The following OR4F15 variants were observed in gnomAD, a reference collection of about 807,000 sequenced individuals.
OR4F15 encodes olfactory receptor family 4 subfamily F member 15.
In OR4F15, 7 loss-of-function variants were observed where a neutral mutation model predicts 11.9. The observed-to-expected ratio is 0.59, with a 90% CI of 0.33 to 1.10. The LOEUF (loss-of-function observed/expected upper bound fraction) is 1.10, where lower values mean the gene tolerates loss of function less well. Among genes scored for constraint, OR4F15 ranks in the 50% least tolerant of loss-of-function variants. OR4F15 has a pLI of 0.03. For missense variants in OR4F15, 445 were observed against 377.5 expected (o/e 1.18, Z -1.48); for synonymous variants, 151 against 134.6 (o/e 1.12, Z -0.84).
At position 101,819,244 on chromosome 15, in the gene OR4F15, T is replaced by G. The variant is rs1903061659; in HGVS notation, c.*119T>G. On this transcript the variant is annotated 3_prime_UTR_variant, in exon 2 of 2. Transcript: ENST00000332238. ...GCCATACTATATGCCTGAAAATTTATGAAATCATGGTAACAATTTCACCAT... is the reference window on the plus strand; with the variant it reads ...GCCATACTATATGCCTGAAAATTTAGGAAATCATGGTAACAATTTCACCAT... The G allele has an allele frequency of 1.5e-6, 1 of 655,334 alleles. No individual in the cohort carries two copies. The allele number at this position is 655,334 out of a possible 1,614,324, so 40.6% of individuals were successfully genotyped here.
chr15:101,812,227 G>A lies in OR4F15; in HGVS notation c.-83G>A, dbSNP rs999133437. 1.2e-4 allele frequency: 19 copies of A among 152,136 alleles called. No homozygotes were observed. The highest frequency in any genetic ancestry group is 1.0e-3 in the Admixed American group (16 of 15,266). The allele number at this position is 152,136 out of a possible 1,614,324, so 9.4% of individuals were successfully genotyped here. A position where few individuals can be genotyped will look rare whatever the true frequency, so the allele number is the denominator to read the frequency against. On this transcript the variant is annotated 5_prime_UTR_variant, in exon 1 of 2. An upstream start codon of the reference 5' UTR is lost. Coordinates refer to ENST00000332238, the MANE Select transcript of OR4F15 (RefSeq NM_001001674.2). ...GTAAGGATGGCATGAAGTTCACAAT[G>A]GGAGCATGATAAACTAGATAAACTT...
Position 101,818,884 on chromosome 15 carries a change from T to C in OR4F15, c.698T>C (p.Leu233Pro). The change falls in exon 2 of 2, where the codon CTA becomes CCA. Residue 233 changes from leucine to proline, a missense_variant. By Grantham distance (98) the Leu-to-Pro change is moderately conservative. Coordinates refer to ENST00000332238, the MANE Select transcript of OR4F15 (RefSeq NM_001001674.2). ...FTVWKHSSGG[L>P]AKALSTLSAH... is the part of the protein sequence containing the mutation. Reference sequence around the variant, plus strand: ...GTTTGGAAACATTCTTCTGGTGGTCTAGCCAAGGCCCTCTCTACCCTGTCA... The same window carrying C: ...GTTTGGAAACATTCTTCTGGTGGTCCAGCCAAGGCCCTCTCTACCCTGTCA... 1 of 1,613,946 alleles carries C rather than the reference T, an allele frequency of 6.2e-7. No homozygotes were observed.
chr15:101,817,794 G>C (rs1903016095), intron 1 of OR4F15, among the ~76,000 whole-genome samples: 1 of 152,166 alleles, frequency 6.6e-6, no homozygotes, highest in Admixed American at 6.5e-5. Flanking sequence ...TCATGTGACT[G>C]GCTGAAATCA....
rs375712095 is a variant in OR4F15 at position 101,818,962 on chromosome 15, C to T, written c.776C>T (p.Thr259Ile). 2 of 1,614,072 alleles carry T rather than the reference C, an allele frequency of 1.2e-6. No individual in the cohort carries two copies. The highest frequency in any genetic ancestry group is 2.7e-5 in the African/African-American group (2 of 74,930). Residue 259 changes from threonine to isoleucine, a missense_variant, in exon 2 of 2, where the codon ACA becomes ATA. By Grantham distance (89) the Thr-to-Ile change is moderately conservative. Transcript: ENST00000332238. ...LFFGPLMFFY[T>I]WPSPTSHLDK... ...TTTGGGCCACTGATGTTTTTCTACA[C>T]ATGGCCTTCTCCCACATCACACCTG...
rs1156720901 is a variant in OR4F15 at position 101,818,395 on chromosome 15, A to T, written c.209A>T (p.Asp70Val). ...YFLLANLSII[D>V]MAFCSITAPK... ...CTCCTGGCTAACCTCTCAATCATTG[A>T]TATGGCATTTTGCTCAATTACAGCC... Residue 70 changes from aspartate (D) to valine (V), a missense_variant, in exon 2 of 2, where the codon GAT becomes GTT. Asp to Val is a radical substitution (Grantham distance 152). Coordinates refer to ENST00000332238, the MANE Select transcript of OR4F15 (RefSeq NM_001001674.2). 1.9e-6 allele frequency: 3 copies of T among 1,613,968 alleles called. No homozygotes were observed. The highest frequency in any genetic ancestry group is 2.5e-6 in the Non-Finnish European group (3 of 1,179,960).
rs1037985154 is a variant in OR4F15, at chr15:101,819,184, G to T, written c.*59G>T. Reference sequence around the variant, plus strand: ...TACTCCTCATGCTGATTGCATAAAAGAAACTGCAATTTCAGAGAAATACTG... The same window carrying T: ...TACTCCTCATGCTGATTGCATAAAATAAACTGCAATTTCAGAGAAATACTG... On this transcript the variant is annotated 3_prime_UTR_variant, in exon 2 of 2. Transcript: ENST00000332238. 1.2e-5 allele frequency: 14 copies of T among 1,148,918 alleles called. No individual in the cohort carries two copies. The highest frequency in any genetic ancestry group is 1.6e-5 in the African/African-American group (1 of 63,890). The allele number at this position is 1,148,918 out of a possible 1,614,324, so 71.2% of individuals were successfully genotyped here.
chr15:101,816,351 C>G (rs143592490), intron 1 of OR4F15, among the ~76,000 whole-genome samples: 1 of 152,092 alleles, frequency 6.6e-6, no homozygotes, highest in African/African-American at 2.4e-5. Context: ...AGGCAAGAAA[C>G]GGATTCTTTT....
At chr15:101,817,627 A>T (rs1162352590) in intron 1 of OR4F15, among the ~76,000 whole-genome samples, 2 of 152,186 alleles carry the variant, frequency 1.3e-5, no homozygotes, top group South Asian at 2.1e-4. Flanking sequence ...TTTGGCTGGG[A>T]TTTTGAGAAT....
chr15:101,813,870 A>C (rs1902945929), intron 1 of OR4F15, among the ~76,000 whole-genome samples: 1 of 152,172 alleles, frequency 6.6e-6, no homozygotes, highest in Middle Eastern at 3.2e-3. Context: ...ACTATAATTC[A>C]TGTCATTGTA....
In OR4F15 at chr15:101,818,724, G is replaced by A. The variant is rs775592404; in HGVS notation, c.538G>A (p.Asp180Asn). 6.2e-7 allele frequency: 1 copy of A among 1,614,114 alleles called. No homozygotes were observed. Among genetic ancestry groups the A allele is most frequent in the African/African-American group, 1.3e-5 (1 of 75,030 alleles). ...TAATATCTTTGACAGTTTTTACTGT[G>A]ATCTCCCTCGGCTCCTCAGACTTGC... The part of the protein sequence containing the change: ...GPNIFDSFYC[D>N]LPRLLRLACT... Residue 180 changes from aspartate to asparagine, a missense_variant, in exon 2 of 2, where the codon GAT (aspartate) becomes AAT (asparagine). Asp to Asn is a conservative substitution (Grantham distance 23, BLOSUM62 1). Transcript: ENST00000332238.
rs1903080718 is a variant in OR4F15 at position 101,820,138 on chromosome 15, TTC to T, written c.*1014_*1015del. On this transcript the variant is annotated 3_prime_UTR_variant, in exon 2 of 2. Transcript: ENST00000332238. ...ATTGCTAGGTCAGTGCCCTTTCACT[TTC>T]AGATCAATTTTGTTTTTGATTTGAT... 1 of 152,222 alleles carries T rather than the reference TTC, an allele frequency of 6.6e-6. No homozygotes were observed. Among genetic ancestry groups the T allele is most frequent in the African/African-American group, 2.4e-5 (1 of 41,446 alleles). The allele number at this position is 152,222 out of a possible 1,614,324, so 9.4% of individuals were successfully genotyped here. A position where few individuals can be genotyped will look rare whatever the true frequency, so the allele number is the denominator to read the frequency against.
Position 101,819,200 on chromosome 15 carries a change from A to G in OR4F15, c.*75A>G. Reference sequence around the variant, plus strand: ...TGCATAAAAGAAACTGCAATTTCAGAGAAATACTGAAGACTCAGGCCATAC... The same window carrying G: ...TGCATAAAAGAAACTGCAATTTCAGGGAAATACTGAAGACTCAGGCCATAC... On this transcript the variant is annotated 3_prime_UTR_variant, in exon 2 of 2. Transcript: ENST00000332238. The G allele has an allele frequency of 1.0e-6, 1 of 978,524 alleles. No homozygotes were observed. The highest frequency in any genetic ancestry group is 2.6e-5 in the East Asian group (1 of 38,152). The allele number at this position is 978,524 out of a possible 1,614,324, so 60.6% of individuals were successfully genotyped here. A position where few individuals can be genotyped will look rare whatever the true frequency, so the allele number is the denominator to read the frequency against.
chr15:101,812,879 T>G (rs1416906017), intron 1 of OR4F15, among the ~76,000 whole-genome samples: 1 of 152,238 alleles, frequency 6.6e-6, no homozygotes, highest in African/African-American at 2.4e-5. Flanking sequence ...CTATACTTGT[T>G]CATGTTTTCA....
At chr15:101,814,456 T>C (rs535594829) in intron 1 of OR4F15, among the ~76,000 whole-genome samples, 2 of 152,284 alleles carry the variant, frequency 1.3e-5, no homozygotes, top group South Asian at 4.1e-4. Flanking sequence ...CCTGTAGCAA[T>C]GTAAGCAAAA....
At chr15:101,812,533 GA>G (rs1902924287) in intron 1 of OR4F15, among the ~76,000 whole-genome samples, 2 of 152,154 alleles carry the variant, frequency 1.3e-5, no homozygotes, top group Admixed American at 1.3e-4. Context: ...GACTTTTGGG[GA>G]AATCTATTAG....
chr15:101,817,272 C>T lies in OR4F15; in HGVS notation c.-37-878C>T, dbSNP rs140698263. ...TTGAAATAGGGATACTGTGATAATT[C>T]CTGACTGGCATGCTGTTAATATACT... On this transcript the variant is annotated intron_variant, in intron 1 of 1. Transcript: ENST00000332238. 3.5e-4 allele frequency among the ~76,000 whole-genome samples: 54 copies of T among 152,262 alleles called. 1 individual carries two copies. The South Asian group carries it at 0.01, about 29-fold the overall frequency.
Position 101,818,285 on chromosome 15 carries a change from G to T in OR4F15, c.99G>T (p.Leu33Phe). The T allele has an allele frequency of 6.2e-7, 1 of 1,613,968 alleles. No individual in the cohort carries two copies. Among genetic ancestry groups the T allele is most frequent in the Non-Finnish European group, 8.5e-7 (1 of 1,179,896 alleles). ...IQLLLFVFSLLFYFASMMGNL... is the reference protein window; with the variant it reads ...IQLLLFVFSLFFYFASMMGNL... ...TTCTACTTTTTGTTTTCTCTTTGTTGTTCTACTTTGCGAGCATGATGGGAA... is the reference window on the plus strand; with the variant it reads ...TTCTACTTTTTGTTTTCTCTTTGTTTTTCTACTTTGCGAGCATGATGGGAA... The change falls in exon 2 of 2, where the codon TTG becomes TTT. Residue 33 changes from leucine (L) to phenylalanine (F), a missense_variant. By Grantham distance (22) the Leu-to-Phe change is conservative. Coordinates refer to ENST00000332238, the MANE Select transcript of OR4F15 (RefSeq NM_001001674.2).
At chr15:101,817,759 T>C (rs1323421011) in intron 1 of OR4F15, among the ~76,000 whole-genome samples, 1 of 152,196 alleles carries the variant, frequency 6.6e-6, no homozygotes, top group Non-Finnish European at 1.5e-5. Context: ...AGCTGTATGC[T>C]GTGCATGAGT....
At chr15:101,813,912 G>A (rs771070483) in intron 1 of OR4F15, among the ~76,000 whole-genome samples, 1 of 152,144 alleles carries the variant, frequency 6.6e-6, no homozygotes, top group South Asian at 2.1e-4. Context: ...GCCAGAACTA[G>A]GGAACTCAAA....
Sources: gnomAD v4.1 joint callset for allele counts (sites outside exome capture counted in the v4.1 genomes callset) on GRCh38, gnomAD v4.1.1 for gene constraint, MANE v1.5 for transcripts, NCBI Gene and HGNC (gene_info 2026-07-23, HGNC 2026-07-21) for gene names.